ATP10B: variants seen among roughly 807,000 people sequenced by gnomAD.
ATP10B encodes ATPase phospholipid transporting 10B (putative).
In ATP10B, 122 loss-of-function variants were observed where a neutral mutation model predicts 141.2. The observed-to-expected ratio is 0.86, with a 90% CI of 0.75 to 1.00. The LOEUF (loss-of-function observed/expected upper bound fraction) is 1.00. Ranked by LOEUF, ATP10B falls within the 50% of genes least tolerant of loss-of-function variation. ATP10B has a pLI of 0.00. For missense variants in ATP10B, 1,876 were observed against 1,825.3 expected (o/e 1.03, Z -0.51); for synonymous variants, 685 against 692.0 (o/e 0.99, Z 0.16).
At chr5:160,862,043 T>C in the ATP10B span, among the ~76,000 whole-genome samples, 1 of 151,964 alleles carries the variant, frequency 6.6e-6, no homozygotes, top group Non-Finnish European at 1.5e-5. Context: ...TTGAAGTACA[T>C]GAAGAAATAT....
chr5:160,919,346 C>G, the ATP10B span, among the ~76,000 whole-genome samples: 8 of 151,650 alleles, frequency 5.3e-5, no homozygotes, highest in Non-Finnish European at 1.0e-4. Flanking sequence ...TGTACTAGGC[C>G]CTAAGGCTAT....
intron 2 of ATP10B, among the ~76,000 whole-genome samples, chr5:160,756,679 C>T (rs1264003323): frequency 6.6e-6 from 1 of 151,306 alleles, no homozygotes; most frequent in East Asian, 1.9e-4. Context: ...TGTGTCTGTT[C>T]AAATCTCTTT....
the ATP10B span, among the ~76,000 whole-genome samples, chr5:160,888,820 T>C: frequency 3.9e-5 from 6 of 152,328 alleles, no homozygotes; most frequent in Admixed American, 3.3e-4. Context: ...ACTGCCTAGA[T>C]TGAATATCAG....
intron 1 of ATP10B, among the ~76,000 whole-genome samples, chr5:160,787,669 G>A (rs11958530): frequency 3.3e-5 from 5 of 152,134 alleles, no homozygotes; most frequent in South Asian, 2.1e-4. Context: ...TGTCCTGCGT[G>A]GGGGGCAGGA....
chr5:160,820,856 A>T (rs1389441002), intron 1 of ATP10B, among the ~76,000 whole-genome samples: 1 of 152,136 alleles, frequency 6.6e-6, no homozygotes, highest in Non-Finnish European at 1.5e-5. Flanking sequence ...TTATGATAAA[A>T]ACCCTAAGAA....
chr5:160,747,632 G>T (rs1767893460), intron 2 of ATP10B, among the ~76,000 whole-genome samples: 1 of 152,132 alleles, frequency 6.6e-6, no homozygotes, highest in African/African-American at 2.4e-5. Flanking sequence ...GCTGGAAGAA[G>T]CATGGAAGGA....
chr5:160,632,188 G>A lies in ATP10B; in HGVS notation c.1561C>T (p.Gln521Ter), dbSNP rs75229310. 5 of 1,614,180 alleles carry A rather than the reference G, an allele frequency of 3.1e-6. No individual in the cohort carries two copies. The highest frequency in any genetic ancestry group is 2.2e-5 in the East Asian group (1 of 44,878). The change falls in exon 13 of 26, where the codon CAA becomes TAA. Residue 521 changes from glutamine (Q) to a stop codon, truncating the protein, a stop_gained. Coordinates refer to ENST00000327245, the MANE Select transcript of ATP10B (RefSeq NM_025153.3). LOFTEE classifies it high-confidence loss of function. Reference protein sequence around the residue: ...ARVPIQGHYRQRSMGHRESSQ... With the variant: ...ARVPIQGHYR ...CTTTCACGGTGCCCCATAGACCTTTGCCGGTAGTGGCCCTGGATGGGCACC... is the reference window on the plus strand; with the variant it reads ...CTTTCACGGTGCCCCATAGACCTTTACCGGTAGTGGCCCTGGATGGGCACC...
intron 23 of ATP10B, among the ~76,000 whole-genome samples, chr5:160,590,237 T>C (rs1319443508): frequency 6.6e-6 from 1 of 152,054 alleles, no homozygotes; most frequent in Non-Finnish European, 1.5e-5. Flanking sequence ...TCCTACATTG[T>C]AGGTCTGTTG....
At chr5:160,849,326 G>A (rs890942727) in intron 1 of ATP10B, among the ~76,000 whole-genome samples, 2 of 151,986 alleles carry the variant, frequency 1.3e-5, no homozygotes, top group East Asian at 1.9e-4. Flanking sequence ...ATACCAGAGC[G>A]ACCTGCAAAA....
At position 160,702,909 on chromosome 5, in the gene ATP10B, T is replaced by C. The variant is rs534108946; in HGVS notation, c.-204-13966A>G. On this transcript the variant is annotated intron_variant, in intron 3 of 25. Coordinates refer to ENST00000327245, the MANE Select transcript of ATP10B (RefSeq NM_025153.3). ...TTTTAATAGTAGTTTATGCCACCTCTATTTTCTATATACCATTTTTATTCT... is the reference window on the plus strand; with the variant it reads ...TTTTAATAGTAGTTTATGCCACCTCCATTTTCTATATACCATTTTTATTCT... Among the ~76,000 whole-genome samples the C allele has an allele frequency of 1.0e-3, 154 of 152,358 alleles. 6 individuals carry two copies. The South Asian group carries it at 0.031, about 31-fold the overall frequency.
intron 2 of ATP10B, among the ~76,000 whole-genome samples, chr5:160,737,182 A>C (rs904757834): frequency 6.6e-6 from 1 of 152,216 alleles, no homozygotes; most frequent in East Asian, 1.9e-4. Context: ...TTGGTGCTGA[A>C]AAGTATTTGA....
the ATP10B span, among the ~76,000 whole-genome samples, chr5:160,927,578 T>G: frequency 6.6e-6 from 1 of 152,236 alleles, no homozygotes; most frequent in Non-Finnish European, 1.5e-5. Context: ...TGAGGTGGAT[T>G]GAGCAGAGGT....
At position 160,716,955 on chromosome 5, in the gene ATP10B, G is replaced by A. The variant is rs978216307; in HGVS notation, c.-251C>T. The A allele has an allele frequency of 5.1e-6, 5 of 985,300 alleles. No individual in the cohort carries two copies. The highest frequency in any genetic ancestry group is 4.8e-6 in the Non-Finnish European group (4 of 829,930). 61.0% of individuals were successfully genotyped at this position (985,300 alleles called of 1,614,324 possible). On this transcript the variant is annotated 5_prime_UTR_variant, in exon 3 of 26. Coordinates refer to ENST00000327245, the MANE Select transcript of ATP10B (RefSeq NM_025153.3). ...GGAGGTTAGACCAGTGACCTTTGCT[G>A]TGCCCCTACAGCCACAGGAAGAGGG...
intron 10 of ATP10B, among the ~76,000 whole-genome samples, chr5:160,637,747 C>T (rs1328329077): frequency 3.3e-5 from 5 of 152,148 alleles, no homozygotes; most frequent in Non-Finnish European, 5.9e-5. Flanking sequence ...CTCTCAGCTC[C>T]AAGAAGTATA....
At chr5:160,820,745 A>G (rs1463488533) in intron 1 of ATP10B, among the ~76,000 whole-genome samples, 1 of 152,190 alleles carries the variant, frequency 6.6e-6, no homozygotes, top group Non-Finnish European at 1.5e-5. Flanking sequence ...ACATATGCAA[A>G]TCAATCAATG....
At chr5:160,897,496 A>T in the ATP10B span, among the ~76,000 whole-genome samples, 1 of 152,180 alleles carries the variant, frequency 6.6e-6, no homozygotes, top group Non-Finnish European at 1.5e-5. Flanking sequence ...TGTGAAGGAC[A>T]TCTTCAAGGA....
rs34793101 is a variant in ATP10B, at chr5:160,812,020, C to CAGAGAGAGAG, written c.-575-26227_-575-26218dup. ...AGAGAGACAGAGACAGAGACAGAGA[C>CAGAGAGAGAG]AGAGAGAGAGAGAGAGAGAGAGAGA... On this transcript the variant is annotated intron_variant, in intron 1 of 25. Transcript: ENST00000327245. Among the ~76,000 whole-genome samples the CAGAGAGAGAG allele has an allele frequency of 1.4e-4, 16 of 111,526 alleles. 1 individual carries two copies. Among genetic ancestry groups the CAGAGAGAGAG allele is most frequent in the African/African-American group, 2.3e-4 (8 of 34,510 alleles). The allele number at this position is 111,526 out of a possible 152,430, so 73.2% of individuals were successfully genotyped here.
chr5:160,867,611 T>G, the ATP10B span, among the ~76,000 whole-genome samples: 7 of 152,246 alleles, frequency 4.6e-5, no homozygotes, highest in Non-Finnish European at 7.4e-5. Flanking sequence ...CCATATGATA[T>G]TTTTGACTTA....
intron 18 of ATP10B, among the ~76,000 whole-genome samples, chr5:160,607,855 C>A (rs1404581010): frequency 6.6e-6 from 1 of 151,952 alleles, no homozygotes; most frequent in East Asian, 1.9e-4. Context: ...TATTTTGATT[C>A]AAATTTATTC....
Sources: gnomAD v4.1 joint callset for allele counts (sites outside exome capture counted in the v4.1 genomes callset) on GRCh38, gnomAD v4.1.1 for gene constraint, MANE v1.5 for transcripts, NCBI Gene and HGNC (gene_info 2026-07-23, HGNC 2026-07-21) for gene names.